SLC2A13: variants seen among roughly 807,000 people sequenced by gnomAD.
SLC2A13 encodes proton myo-inositol cotransporter.
A neutral mutation model predicts 64.4 loss-of-function variants in SLC2A13; 32 were observed. The ratio of observed to expected loss-of-function variants is 0.50; its 90% confidence interval spans 0.37 to 0.67. The LOEUF (loss-of-function observed/expected upper bound fraction) is 0.67, where lower values mean the gene tolerates loss of function less well. SLC2A13 is among the 30% of genes least tolerant of loss of function. The pLI is 0.00. For synonymous variants in SLC2A13, 338 were observed against 327.1 expected, an observed-to-expected ratio of 1.03 and a Z score of -0.36; for missense variants, 743 against 829.2, an observed-to-expected ratio of 0.90 and a Z score of 1.28.
At chr12:39,954,292 T>C (rs1414101063) in intron 3 of SLC2A13, among the ~76,000 whole-genome samples, 1 of 152,078 alleles carries the variant, frequency 6.6e-6, no homozygotes, top group Non-Finnish European at 1.5e-5. Context: ...CAGCTCAGAA[T>C]ACAGAGATGC....
chr12:39,892,714 T>G (rs1239129175), intron 4 of SLC2A13, among the ~76,000 whole-genome samples: 2 of 152,112 alleles, frequency 1.3e-5, no homozygotes, highest in Non-Finnish European at 2.9e-5. Context: ...CAATTTTCTT[T>G]AAAAATAAAC....
chr12:39,819,055 G>A (rs962626104), intron 7 of SLC2A13, among the ~76,000 whole-genome samples: 4 of 152,140 alleles, frequency 2.6e-5, no homozygotes, highest in African/African-American at 7.2e-5. Context: ...GCACCCCACA[G>A]AAGGGAAAAC....
At chr12:39,896,571 TG>T (rs1944918379) in intron 4 of SLC2A13, among the ~76,000 whole-genome samples, 1 of 114,808 alleles carries the variant, frequency 8.7e-6, no homozygotes, top group Admixed American at 8.5e-5. Context: ...CATATATGTA[TG>T]TATGTGTGTA....
At chr12:39,904,975 C>A (rs1360140168) in intron 4 of SLC2A13, among the ~76,000 whole-genome samples, 4 of 152,026 alleles carry the variant, frequency 2.6e-5, no homozygotes, top group African/African-American at 7.2e-5. Flanking sequence ...CAAACTATCC[C>A]AATCTCAACT....
intron 6 of SLC2A13, among the ~76,000 whole-genome samples, chr12:39,861,968 C>T (rs1001644838): frequency 2.6e-5 from 4 of 152,124 alleles, no homozygotes; most frequent in African/African-American, 9.7e-5. Context: ...CACCTATCAA[C>T]CCATCACCTA....
chr12:39,969,525 T>C (rs1036824266), intron 3 of SLC2A13, among the ~76,000 whole-genome samples: 2 of 152,254 alleles, frequency 1.3e-5, no homozygotes, highest in African/African-American at 4.8e-5. Context: ...CACTGTGGTT[T>C]TGATTTGCAT....
At chr12:39,829,407 T>TC (rs1017635030) in intron 7 of SLC2A13, 1 of 101,090 alleles carries the variant, frequency 9.9e-6, no homozygotes, top group Non-Finnish European at 2.0e-5. Context: ...TTTTTTTTTT[T>TC]TTTTTTTTCT....
intron 1 of SLC2A13, among the ~76,000 whole-genome samples, chr12:40,067,358 C>T (rs1031546275): frequency 3.3e-5 from 5 of 152,100 alleles, no homozygotes; most frequent in Non-Finnish European, 5.9e-5. Flanking sequence ...CGTGCCACCA[C>T]GCCTGGCTAA....
chr12:39,992,313 A>T (rs904100855), intron 3 of SLC2A13, among the ~76,000 whole-genome samples: 6 of 152,194 alleles, frequency 3.9e-5, no homozygotes, highest in African/African-American at 9.7e-5. Flanking sequence ...CATTCTGAAT[A>T]TTCCATGGAT....
intron 4 of SLC2A13, among the ~76,000 whole-genome samples, chr12:39,930,130 C>CAAA (rs11385191): frequency 3.1e-5 from 3 of 95,888 alleles, no homozygotes; most frequent in African/African-American, 7.8e-5. Flanking sequence ...GACTTCGTCT[C>CAAA]AAAAAAAAAA....
chr12:40,079,159 G>T (rs1164960670), intron 1 of SLC2A13, among the ~76,000 whole-genome samples: 1 of 152,006 alleles, frequency 6.6e-6, no homozygotes, highest in Non-Finnish European at 1.5e-5. Context: ...ATTTTCTTTT[G>T]CTAGCTTTAG....
intron 1 of SLC2A13, among the ~76,000 whole-genome samples, chr12:40,102,973 T>C (rs1429872141): frequency 3.9e-5 from 6 of 152,236 alleles, no homozygotes; most frequent in Non-Finnish European, 8.8e-5. Context: ...ACATTCTTCA[T>C]TTTGTAAATG....
chr12:40,086,512 T>G (rs984567229), intron 1 of SLC2A13, among the ~76,000 whole-genome samples: 10 of 152,258 alleles, frequency 6.6e-5, no homozygotes, highest in Non-Finnish European at 1.5e-4. Flanking sequence ...TCTCGCCTAT[T>G]CTCTAGCTAC....
chr12:39,809,091 G>A (rs1209883977), intron 7 of SLC2A13, among the ~76,000 whole-genome samples: 1 of 152,096 alleles, frequency 6.6e-6, no homozygotes, highest in Non-Finnish European at 1.5e-5. Context: ...TGTTTAGGGT[G>A]TAAGAGTTGA....
chr12:40,062,906 A>G (rs1948446640), intron 1 of SLC2A13, among the ~76,000 whole-genome samples: 1 of 152,136 alleles, frequency 6.6e-6, no homozygotes, highest in Non-Finnish European at 1.5e-5. Context: ...ATTTTAAGTG[A>G]CATTGACCAA....
intron 4 of SLC2A13, among the ~76,000 whole-genome samples, chr12:39,928,443 G>T (rs1322624902): frequency 2.6e-5 from 4 of 152,114 alleles, no homozygotes; most frequent in African/African-American, 9.7e-5. Flanking sequence ...TTTAGAACAT[G>T]AGGAATAAAG....
At chr12:40,079,945 C>A (rs1938332251) in intron 1 of SLC2A13, among the ~76,000 whole-genome samples, 1 of 152,182 alleles carries the variant, frequency 6.6e-6, no homozygotes, top group Non-Finnish European at 1.5e-5. Context: ...CTCACTACAA[C>A]CTCCATCTCC....
At chr12:39,823,459 A>G (rs1206483846) in intron 7 of SLC2A13, among the ~76,000 whole-genome samples, 1 of 152,186 alleles carries the variant, frequency 6.6e-6, no homozygotes, top group African/African-American at 2.4e-5. Context: ...AGAGGTTACA[A>G]AGGAAAACTC....
At chr12:39,989,085 C>T (rs554574156) in intron 3 of SLC2A13, among the ~76,000 whole-genome samples, 1 of 152,266 alleles carries the variant, frequency 6.6e-6, no homozygotes, top group South Asian at 2.1e-4. Flanking sequence ...GTCCTCTACT[C>T]ATAACCCTTC....
Sources: allele counts gnomAD v4.1 joint callset (sites outside exome capture counted in the v4.1 genomes callset), GRCh38; gene constraint gnomAD v4.1.1; transcripts MANE v1.5; gene names NCBI Gene and HGNC (gene_info 2026-07-23, HGNC 2026-07-21).